Variants in GABRG1 observed in about 807,000 individuals in gnomAD.
The protein encoded by GABRG1 is gamma-aminobutyric acid type A receptor subunit gamma1.
GABRG1 carries 49 observed loss-of-function variants against 49.8 expected under a neutral mutation model. That is an observed-to-expected ratio of 0.98 (90% CI 0.78 to 1.25). GABRG1 has a LOEUF of 1.25. GABRG1 is among the 50% of genes most tolerant of loss of function. The pLI, the probability that GABRG1 is intolerant of heterozygous loss-of-function variation, is 0.00. For synonymous variants in GABRG1, 232 were observed against 185.1 expected (o/e 1.25, Z -2.06); for missense variants, 552 against 552.3 (o/e 1.00, Z 0.01).
At chr4:46,058,130 T>C (rs1207380313) in intron 7 of GABRG1, 87 bp downstream of exon 7, 1 of 1,275,266 alleles carries the variant, frequency 7.8e-7, no homozygotes, top group Non-Finnish European at 1.1e-6. Context: ...GAAGAATATA[T>C]CTAATAAATG....
At chr4:46,115,352 AGT>A (rs1720850681) in intron 1 of GABRG1, among the ~76,000 whole-genome samples, 1 of 150,742 alleles carries the variant, frequency 6.6e-6, no homozygotes, top group African/African-American at 2.4e-5. Context: ...TTATTCCGTA[AGT>A]TGTGTTGAAA....
chr4:46,122,004 G>T (rs897936782), intron 1 of GABRG1, among the ~76,000 whole-genome samples: 1 of 152,066 alleles, frequency 6.6e-6, no homozygotes, highest in Non-Finnish European at 1.5e-5. Context: ...AATCATAGAT[G>T]TATTGAATGT....
intron 5 of GABRG1, among the ~76,000 whole-genome samples, chr4:46,060,496 G>C (rs187662467): frequency 6.6e-6 from 1 of 152,046 alleles, no homozygotes; most frequent in Non-Finnish European, 1.5e-5. Flanking sequence ...TAGCTAAAAA[G>C]TTCTTTCTAC....
chr4:46,052,456 GA>G (rs1158362555), intron 7 of GABRG1, among the ~76,000 whole-genome samples: 2 of 151,802 alleles, frequency 1.3e-5, no homozygotes, highest in Non-Finnish European at 2.9e-5. Flanking sequence ...ATACTGCTTT[GA>G]AAGCACAGAG....
intron 3 of GABRG1, among the ~76,000 whole-genome samples, chr4:46,077,546 T>G (rs949206758): frequency 2.0e-5 from 3 of 151,988 alleles, no homozygotes; most frequent in Non-Finnish European, 4.4e-5. Context: ...ACTATTTTTA[T>G]GAAGAACATC....
At chr4:46,053,773 C>A (rs1279574283) in intron 7 of GABRG1, among the ~76,000 whole-genome samples, 5 of 151,878 alleles carry the variant, frequency 3.3e-5, no homozygotes, top group Non-Finnish European at 7.4e-5. Flanking sequence ...AAAAACTAAG[C>A]AGAACTTTGC....
At chr4:46,056,743 A>T (rs1185977285) in intron 7 of GABRG1, among the ~76,000 whole-genome samples, 1 of 152,128 alleles carries the variant, frequency 6.6e-6, no homozygotes, top group Admixed American at 6.6e-5. Flanking sequence ...TGCAAGGTTG[A>T]GTTCAGGAAA....
chr4:46,037,335 G>A lies in GABRG1; in HGVS notation c.*3653C>T, dbSNP rs1244407075. Reference sequence around the variant, plus strand: ...AGTATTTGAAAACTCCATTTGGAAAGTCCTTGATAAAGTTTGGTAATGGTT... The same window carrying A: ...AGTATTTGAAAACTCCATTTGGAAAATCCTTGATAAAGTTTGGTAATGGTT... On this transcript the variant is annotated 3_prime_UTR_variant, in exon 9 of 9. Coordinates refer to ENST00000295452, the MANE Select transcript of GABRG1 (RefSeq NM_173536.4). The A allele has an allele frequency of 1.3e-5, 2 of 151,868 alleles. No individual in the cohort carries two copies. Among genetic ancestry groups the A allele is most frequent in the African/African-American group, 4.8e-5 (2 of 41,430 alleles). The allele number at this position is 151,868 out of a possible 1,614,324, so 9.4% of individuals were successfully genotyped here.
At chr4:46,058,816 T>G (rs776156787) in intron 5 of GABRG1, among the ~76,000 whole-genome samples, 194 bp from the exon 6 acceptor site, 1 of 152,214 alleles carries the variant, frequency 6.6e-6, no homozygotes, top group African/African-American at 2.4e-5. Flanking sequence ...CAAATAATGA[T>G]AACCCATGTA....
chr4:46,048,101 T>G (rs1191062015), intron 8 of GABRG1, among the ~76,000 whole-genome samples: 2 of 152,050 alleles, frequency 1.3e-5, no homozygotes, highest in African/African-American at 4.8e-5. Context: ...CATAAACTAC[T>G]CTTCAATTGG....
At chr4:46,106,946 G>A (rs1394853059) in intron 1 of GABRG1, among the ~76,000 whole-genome samples, 1 of 151,244 alleles carries the variant, frequency 6.6e-6, no homozygotes, top group Non-Finnish European at 1.5e-5. Context: ...CAAAGTAGGT[G>A]TATATATTTA....
At chr4:46,112,182 T>C (rs1217021144) in intron 1 of GABRG1, among the ~76,000 whole-genome samples, 1 of 151,044 alleles carries the variant, frequency 6.6e-6, no homozygotes, top group African/African-American at 2.4e-5. Flanking sequence ...GGAAAATACA[T>C]GAACAGACAT....
intron 1 of GABRG1, among the ~76,000 whole-genome samples, chr4:46,118,242 A>C (rs538687318): frequency 1.5e-5 from 2 of 136,450 alleles, no homozygotes; most frequent in South Asian, 2.3e-4. Flanking sequence ...TATTACATAT[A>C]GATCTATCTA....
At chr4:46,112,668 A>T (rs1056656942) in intron 1 of GABRG1, among the ~76,000 whole-genome samples, 3 of 151,138 alleles carry the variant, frequency 2.0e-5, no homozygotes, top group African/African-American at 7.3e-5. Context: ...TTAAAAAACA[A>T]CAAAATTGTG....
At chr4:46,084,080 T>C (rs372954749) in intron 2 of GABRG1, 27 bp from the exon 3 acceptor site, 44 of 1,330,482 alleles carry the variant, frequency 3.3e-5, no homozygotes, top group Non-Finnish European at 4.6e-5. Context: ...AAAAGAAAGG[T>C]CAAAGATATG....
chr4:46,069,428 C>T (rs891677827), intron 3 of GABRG1, among the ~76,000 whole-genome samples: 4 of 151,966 alleles, frequency 2.6e-5, no homozygotes, highest in African/African-American at 9.7e-5. Flanking sequence ...GTATCAGCTC[C>T]AGTTTGCTTA....
chr4:46,062,470 G>A (rs1367235606), intron 5 of GABRG1, among the ~76,000 whole-genome samples: 1 of 152,132 alleles, frequency 6.6e-6, no homozygotes, highest in Non-Finnish European at 1.5e-5. Flanking sequence ...CACAATGGTT[G>A]AACTAGTTTA....
chr4:46,084,047 G>A lies in GABRG1; in HGVS notation c.260C>T (p.Pro87Leu). Residue 87 changes from proline (P) to leucine (L), a missense_variant, in exon 3 of 9, where the codon CCC (proline) becomes CTC (leucine). Physicochemically the swap from Pro to Leu is moderately conservative, Grantham distance 98 (BLOSUM62 -3). Coordinates refer to ENST00000295452, the MANE Select transcript of GABRG1 (RefSeq NM_173536.4). Reference protein sequence around the residue: ...NKLRPDIGVRPTVIETDVYVN... With the variant: ...NKLRPDIGVRLTVIETDVYVN... ...ATAAACATCAGTTTCAATTACTGTG[G>A]GCCTCACTGCAAAATATCAACAAAA... 6.4e-7 allele frequency: 1 copy of A among 1,564,626 alleles called. No homozygotes were observed. Among genetic ancestry groups the A allele is most frequent in the Non-Finnish European group, 8.7e-7 (1 of 1,142,978 alleles).
intron 5 of GABRG1, among the ~76,000 whole-genome samples, chr4:46,063,234 A>G (rs1482035271): frequency 2.6e-5 from 4 of 152,058 alleles, no homozygotes; most frequent in Non-Finnish European, 4.4e-5. Context: ...CAAAAGAACA[A>G]AGCTGGAGGC....
Sources: gnomAD v4.1 joint callset for allele counts (sites outside exome capture counted in the v4.1 genomes callset) on GRCh38, gnomAD v4.1.1 for gene constraint, MANE v1.5 for transcripts, NCBI Gene and HGNC (gene_info 2026-07-23, HGNC 2026-07-21) for gene names.